SPSB4: variants seen among roughly 807,000 people sequenced by gnomAD.
SPSB4 encodes the protein SPRY domain-containing SOCS box protein 4.
Under a neutral mutation model 20.9 loss-of-function variants are expected in SPSB4, and 21 were observed. The observed-to-expected ratio is 1.01, with a 90% CI of 0.71 to 1.45. The LOEUF (loss-of-function observed/expected upper bound fraction) is 1.45, where lower values mean the gene tolerates loss of function less well. SPSB4 is among the 40% of genes most tolerant of loss of function. SPSB4 has a pLI of 0.00. For synonymous variants in SPSB4, 207 were observed against 183.8 expected (o/e 1.13, Z -1.02); for missense variants, 399 against 399.2 (o/e 1.00, Z 0.00).
chr3:141,113,044 C>G (rs181837338), intron 2 of SPSB4, among the ~76,000 whole-genome samples: 3 of 152,156 alleles, frequency 2.0e-5, no homozygotes, highest in Non-Finnish European at 4.4e-5. Context: ...AGCAAAAGGT[C>G]AGGAAGCAGT....
At chr3:141,111,723 T>G (rs917733225) in intron 2 of SPSB4, among the ~76,000 whole-genome samples, 1 of 152,202 alleles carries the variant, frequency 6.6e-6, no homozygotes, top group African/African-American at 2.4e-5. Context: ...TGATTCACTC[T>G]GAGAGCAAAT....
intron 2 of SPSB4, among the ~76,000 whole-genome samples, chr3:141,083,919 G>A (rs1938290128): frequency 6.6e-6 from 1 of 152,080 alleles, no homozygotes; most frequent in Non-Finnish European, 1.5e-5. Context: ...ACCCTCTGGA[G>A]GCCCTGCAGG....
chr3:141,122,378 G>A (rs998034679), intron 2 of SPSB4, among the ~76,000 whole-genome samples: 1 of 152,302 alleles, frequency 6.6e-6, no homozygotes, highest in Non-Finnish European at 1.5e-5. Flanking sequence ...CAGGGGTCAG[G>A]GACCCACTTG....
At chr3:141,055,834 T>C (rs1316047336) in intron 1 of SPSB4, among the ~76,000 whole-genome samples, 1 of 152,070 alleles carries the variant, frequency 6.6e-6, no homozygotes, top group Non-Finnish European at 1.5e-5. Context: ...AGGAGGCTTA[T>C]GATGGAAAGA....
At chr3:141,112,074 C>A (rs1445930309) in intron 2 of SPSB4, among the ~76,000 whole-genome samples, 1 of 152,230 alleles carries the variant, frequency 6.6e-6, no homozygotes, top group Non-Finnish European at 1.5e-5. Context: ...CAGGGAGGCA[C>A]CATGCGTGTC....
chr3:141,140,774 G>C (rs1009821651), intron 2 of SPSB4, among the ~76,000 whole-genome samples: 1 of 151,630 alleles, frequency 6.6e-6, no homozygotes, highest in Non-Finnish European at 1.5e-5. Flanking sequence ...CTACTCGGGG[G>C]TCAGGGACCC....
chr3:141,066,595 T>G lies in SPSB4; in HGVS notation c.491T>G (p.Phe164Cys). 1 of 1,577,274 alleles carries G rather than the reference T, an allele frequency of 6.3e-7. No homozygotes were observed. Among genetic ancestry groups the G allele is most frequent in the Non-Finnish European group, 8.6e-7 (1 of 1,161,734 alleles). The stretch of plus-strand genomic sequence containing the variant: ...CAGCCCGGCGTGGCCTACCCGGCCT[T>G]TCTGGGGCCCGACGAGGCCTTTGCG... ...KNQPGVAYPA[F>C]LGPDEAFALP... is the part of the protein sequence containing the mutation. Residue 164 changes from phenylalanine to cysteine, a missense_variant, in exon 2 of 3, where the codon TTT becomes TGT. Physicochemically the swap from Phe to Cys is radical, Grantham distance 205. Transcript: ENST00000310546.
chr3:141,120,339 T>C (rs1249009837), intron 2 of SPSB4, among the ~76,000 whole-genome samples: 6 of 152,216 alleles, frequency 3.9e-5, no homozygotes, highest in Non-Finnish European at 8.8e-5. Flanking sequence ...CTTCCAAGTA[T>C]GTGGTCAATT....
chr3:141,060,299 A>C (rs895957472), intron 1 of SPSB4, among the ~76,000 whole-genome samples: 2 of 152,004 alleles, frequency 1.3e-5, no homozygotes, highest in African/African-American at 2.4e-5. Flanking sequence ...AGCAACAGCA[A>C]CTCCACAGTT....
intron 2 of SPSB4, among the ~76,000 whole-genome samples, chr3:141,091,571 CAG>C (rs1322044957): frequency 4.6e-5 from 7 of 152,120 alleles, no homozygotes; most frequent in African/African-American, 1.7e-4. Context: ...ACCCTGAGTT[CAG>C]AGAGTGTAAG....
chr3:141,071,363 G>T (rs1937999057), intron 2 of SPSB4, among the ~76,000 whole-genome samples: 1 of 152,178 alleles, frequency 6.6e-6, no homozygotes, highest in Non-Finnish European at 1.5e-5. Flanking sequence ...AATAAGAGGG[G>T]AGTATCAGAC....
At chr3:141,087,894 C>A (rs998765105) in intron 2 of SPSB4, among the ~76,000 whole-genome samples, 5 of 152,266 alleles carry the variant, frequency 3.3e-5, no homozygotes, top group Non-Finnish European at 7.4e-5. Flanking sequence ...ACTTTACAAC[C>A]TTAAATGATA....
intron 2 of SPSB4, among the ~76,000 whole-genome samples, chr3:141,118,884 G>A (rs1262649657): frequency 6.6e-6 from 1 of 152,148 alleles, no homozygotes; most frequent in Non-Finnish European, 1.5e-5. Context: ...TGCTGTTTTG[G>A]TTATGTAGCC....
chr3:141,059,071 C>A (rs1159709965), intron 1 of SPSB4, among the ~76,000 whole-genome samples: 1 of 152,100 alleles, frequency 6.6e-6, no homozygotes, highest in Non-Finnish European at 1.5e-5. Context: ...AAGTTTCCTG[C>A]CATCAGAGGA....
chr3:141,147,114 C>G, intron 2 of SPSB4, 28 bp from the exon 3 acceptor site: 1 of 1,612,854 alleles, frequency 6.2e-7, no homozygotes, highest in South Asian at 1.1e-5. Flanking sequence ...GCACAGGGCA[C>G]ACTCTAACTG....
At chr3:141,123,201 T>C (rs1327045382) in intron 2 of SPSB4, among the ~76,000 whole-genome samples, 2 of 152,238 alleles carry the variant, frequency 1.3e-5, no homozygotes, top group African/African-American at 4.8e-5. Flanking sequence ...CCCTCTTTAA[T>C]TCTAATTTCC....
intron 2 of SPSB4, among the ~76,000 whole-genome samples, chr3:141,143,042 T>C (rs1939361351): frequency 6.6e-6 from 1 of 152,078 alleles, no homozygotes; most frequent in East Asian, 1.9e-4. Context: ...GGTCTCCATC[T>C]CCTGACTTTG....
At chr3:141,109,353 CCTT>C (rs1316763194) in intron 2 of SPSB4, among the ~76,000 whole-genome samples, 2 of 152,028 alleles carry the variant, frequency 1.3e-5, no homozygotes, top group African/African-American at 4.8e-5. Context: ...AGCTTAGAGA[CCTT>C]CTCATTCCAC....
At chr3:141,068,065 T>G (rs1165854695) in intron 2 of SPSB4, among the ~76,000 whole-genome samples, 1 of 152,162 alleles carries the variant, frequency 6.6e-6, no homozygotes, top group Admixed American at 6.5e-5. Flanking sequence ...AGAGTAACAC[T>G]TCTCCAGAAA....
Sources: allele counts gnomAD v4.1 joint callset (sites outside exome capture counted in the v4.1 genomes callset), GRCh38; gene constraint gnomAD v4.1.1; transcripts MANE v1.5; gene names NCBI Gene and HGNC (gene_info 2026-07-23, HGNC 2026-07-21).